Variants in GALNT8 observed in about 807,000 individuals in gnomAD.
GALNT8 encodes polypeptide N-acetylgalactosaminyltransferase 8.
Under a neutral mutation model 62.7 loss-of-function variants are expected in GALNT8, and 66 were observed. The ratio of observed to expected loss-of-function variants is 1.05; its 90% CI spans 0.86 to 1.29. The LOEUF (loss-of-function observed/expected upper bound fraction) is 1.29, where lower values mean the gene tolerates loss of function less well. Among genes scored for constraint, GALNT8 ranks in the 50% most tolerant of loss-of-function variants. The pLI is 0.00. For synonymous variants in GALNT8, 288 were observed against 294.3 expected (o/e 0.98, Z 0.22); for missense variants, 771 against 791.8 (o/e 0.97, Z 0.32).
chr12:4,771,338 G>A (rs1460415356), intron 10 of GALNT8, among the ~76,000 whole-genome samples: 4 of 152,174 alleles, frequency 2.6e-5, no homozygotes, highest in South Asian at 2.1e-4. Context: ...AATCTGAAGC[G>A]TTGCCCTGAA....
chr12:4,721,062 A>G (rs953774970), intron 1 of GALNT8, among the ~76,000 whole-genome samples, 174 bp downstream of exon 1: 1 of 152,056 alleles, frequency 6.6e-6, no homozygotes, highest in East Asian at 1.9e-4. Context: ...GGGTATTGAG[A>G]ATGAAGTGAG....
At chr12:4,728,715 T>C (rs1946207400) in intron 2 of GALNT8, among the ~76,000 whole-genome samples, 1 of 152,154 alleles carries the variant, frequency 6.6e-6, no homozygotes, top group Non-Finnish European at 1.5e-5. Context: ...CGTTGCTGTA[T>C]AGGCCTATCC....
At chr12:4,740,103 GA>G (rs1365985444) in intron 3 of GALNT8, among the ~76,000 whole-genome samples, 2 of 152,110 alleles carry the variant, frequency 1.3e-5, no homozygotes, top group Admixed American at 1.3e-4. Context: ...ATTAAGCCTG[GA>G]GAAAAGAGAG....
Position 4,761,013 on chromosome 12 carries a change from TAG to T in GALNT8, c.1235_1236del (p.Arg412ThrfsTer27). 1 of 1,614,116 alleles carries T rather than the reference TAG, an allele frequency of 6.2e-7. No individual in the cohort carries two copies. The highest frequency in any genetic ancestry group is 8.5e-7 in the Non-Finnish European group (1 of 1,180,014). On this transcript the variant is annotated frameshift_variant, in exon 7 of 11. Coordinates refer to ENST00000252318, the MANE Select transcript of GALNT8 (RefSeq NM_017417.2). LOFTEE classifies it high-confidence loss of function. ...TTGCCCTGTTCCCGGATTGCCCACC[TAG>T]AGAGACACCACAAGCCCTACGCCTT...
In GALNT8 at chr12:4,731,549, C is replaced by A. The variant is rs11063322; in HGVS notation, c.509+4720C>A. ...GAATACAAATGTGAGAGCGAGCATT[C>A]TTGTCTTGTTCCTGACCTTAGAGGA... On this transcript the variant is annotated intron_variant, in intron 2 of 10. Transcript: ENST00000252318. 5.7e-3 allele frequency among the ~76,000 whole-genome samples: 875 copies of A among 152,246 alleles called. 11 individuals carry two copies. Among genetic ancestry groups the A allele is most frequent in the African/African-American group, 0.02 (820 of 41,546 alleles).
In GALNT8 at chr12:4,765,461, A is replaced by AC. The variant is rs35062060; in HGVS notation, c.1679dup (p.Gly561TrpfsTer16). On this transcript the variant is annotated frameshift_variant, in exon 10 of 11. Coordinates refer to ENST00000252318, the MANE Select transcript of GALNT8 (RefSeq NM_017417.2). LOFTEE classifies it high-confidence loss of function. ...AGTGCTAGTGATCGCTGCCTGACAG[A>AC]CCCTGGCAAGGCGGAGAAGCCCACC... is the stretch of plus-strand genomic sequence containing the variant. The AC allele has an allele frequency of 6.2e-7, 1 of 1,611,166 alleles. No individual in the cohort carries two copies.
intron 1 of GALNT8, among the ~76,000 whole-genome samples, chr12:4,725,595 GC>G (rs1270714899): frequency 2.5e-5 from 3 of 121,234 alleles, no homozygotes; most frequent in Non-Finnish European, 4.8e-5. Flanking sequence ...TCGCTCTGTT[GC>G]CCAGGCTGGA....
At chr12:4,772,163 G>A (rs1007128077) in intron 10 of GALNT8, among the ~76,000 whole-genome samples, 1 of 152,212 alleles carries the variant, frequency 6.6e-6, no homozygotes, top group African/African-American at 2.4e-5. Context: ...TCGTTCCATG[G>A]TAGTCAGTAC....
Position 4,772,471 on chromosome 12 carries a change from C to A in GALNT8, c.1788C>A (p.Thr596=). The A allele has an allele frequency of 6.2e-7, 1 of 1,613,894 alleles. No individual in the cohort carries two copies. Among genetic ancestry groups the A allele is most frequent in the Non-Finnish European group, 8.5e-7 (1 of 1,179,898 alleles). Residue 596 remains threonine, a synonymous_variant, in exon 11 of 11, where the codon ACC becomes ACA. Transcript: ENST00000252318. The stretch of plus-strand genomic sequence containing the variant: ...GAGGAGCTGTCATAAACAGAGATAC[C>A]AAGCGGTGTCTGGAGATGAAGAAGG... ...KPGGAVINRD[T]KRCLEMKKDL...
At chr12:4,756,120 A>G (rs1003071275) in intron 6 of GALNT8, among the ~76,000 whole-genome samples, 1 of 152,274 alleles carries the variant, frequency 6.6e-6, no homozygotes, top group Non-Finnish European at 1.5e-5. Context: ...GAATCAATTT[A>G]GAAGAGATTT....
rs972307365 is a variant in GALNT8 at position 4,746,015 on chromosome 12, T to C, written c.1059-129T>C. The stretch of plus-strand genomic sequence containing the variant: ...ACATGCACTTAGTCTTGCCTGAGAG[T>C]TTAGGGAAGGCCTTCATGATAAGAA... On this transcript the variant is annotated intron_variant, in intron 5 of 10. Coordinates refer to ENST00000252318, the MANE Select transcript of GALNT8 (RefSeq NM_017417.2). 11 of 630,138 alleles carry C rather than the reference T, an allele frequency of 1.7e-5. No individual in the cohort carries two copies. The African/African-American group carries it at 2.0e-4, about 12-fold the overall frequency. 39.0% of individuals were successfully genotyped at this position (630,138 alleles called of 1,614,324 possible). A position where few individuals can be genotyped will look rare whatever the true frequency, so the allele number is the denominator to read the frequency against.
At chr12:4,769,554 A>C (rs536124150) in intron 10 of GALNT8, among the ~76,000 whole-genome samples, 78 of 152,328 alleles carry the variant, frequency 5.1e-4, no homozygotes, top group African/African-American at 1.8e-3. Flanking sequence ...TTATATAGCC[A>C]TTCAAATGAT....
intron 2 of GALNT8, among the ~76,000 whole-genome samples, chr12:4,737,182 T>G (rs141244878): frequency 3.9e-5 from 6 of 152,260 alleles, no homozygotes; most frequent in Admixed American, 1.3e-4. Context: ...AAAAATAAAC[T>G]CTTCTCAGCT....
intron 1 of GALNT8, among the ~76,000 whole-genome samples, chr12:4,723,064 G>A (rs1053568984): frequency 1.4e-4 from 22 of 152,052 alleles, no homozygotes; most frequent in Non-Finnish European, 1.6e-4. Flanking sequence ...CACCTTCCAC[G>A]TCCTCCTTCA....
intron 1 of GALNT8, among the ~76,000 whole-genome samples, chr12:4,723,714 A>G (rs1026064168): frequency 2.0e-5 from 3 of 150,880 alleles, no homozygotes; most frequent in South Asian, 4.2e-4. Context: ...TTGAACCTCA[A>G]AAAGTCTTCT....
At chr12:4,739,982 A>G (rs1164700940) in intron 3 of GALNT8, among the ~76,000 whole-genome samples, 2 of 151,960 alleles carry the variant, frequency 1.3e-5, no homozygotes, top group Admixed American at 6.6e-5. Context: ...TGCCCCTCTT[A>G]TGCACCATGA....
rs143060598 is a variant in GALNT8, at chr12:4,765,410, A to G, written c.1625A>G (p.Tyr542Cys). The change falls in exon 10 of 11, where the codon TAT (tyrosine) becomes TGT (cysteine). Residue 542 changes from tyrosine (Y) to cysteine (C), a missense_variant. Coordinates refer to ENST00000252318, the MANE Select transcript of GALNT8 (RefSeq NM_017417.2). ...NVYYHLTGEL[Y>C]VGQLIAEASA... Reference sequence around the variant, plus strand: ...TACTATCACCTAACTGGGGAGCTCTATGTGGGACAACTGATTGCAGAGGCC... The same window carrying G: ...TACTATCACCTAACTGGGGAGCTCTGTGTGGGACAACTGATTGCAGAGGCC... 7.7e-6 allele frequency: 11 copies of G among 1,427,956 alleles called. No homozygotes were observed. Among genetic ancestry groups the G allele is most frequent in the East Asian group, 4.8e-5 (2 of 41,638 alleles). 88.5% of individuals were successfully genotyped at this position (1,427,956 alleles called of 1,614,324 possible).
intron 9 of GALNT8, among the ~76,000 whole-genome samples, chr12:4,764,516 G>T (rs1185567902): frequency 6.8e-6 from 1 of 146,448 alleles, no homozygotes; most frequent in Non-Finnish European, 1.5e-5. Flanking sequence ...CCATGTGGAA[G>T]GTGCAGTCAG....
intron 6 of GALNT8, among the ~76,000 whole-genome samples, chr12:4,760,678 A>G (rs1946367350): frequency 6.6e-6 from 1 of 152,162 alleles, no homozygotes; most frequent in African/African-American, 2.4e-5. Flanking sequence ...CCTTGGGGAT[A>G]AGGGAGCAGA....
Sources: gnomAD v4.1 joint callset for allele counts (sites outside exome capture counted in the v4.1 genomes callset) on GRCh38, gnomAD v4.1.1 for gene constraint, MANE v1.5 for transcripts, NCBI Gene and HGNC (gene_info 2026-07-23, HGNC 2026-07-21) for gene names.